The following AMPD3 variants were observed in gnomAD, a reference collection of about 807,000 sequenced individuals.
AMPD3 encodes the protein adenosine monophosphate deaminase 3.
Under a neutral mutation model 82.3 loss-of-function variants are expected in AMPD3, and 57 were observed. That is an observed-to-expected ratio of 0.69 (90% confidence interval 0.56 to 0.86). The LOEUF (loss-of-function observed/expected upper bound fraction) is 0.86. AMPD3 is among the 40% of genes least tolerant of loss of function. The pLI is 0.00. For missense variants in AMPD3, 870 were observed against 1,003.8 expected (o/e 0.87, Z 1.80); for synonymous variants, 381 against 394.7 (o/e 0.97, Z 0.41).
In AMPD3 at chr11:10,465,819, G is replaced by GTT. The variant is rs61540424; in HGVS notation, c.221+4099_221+4100dup. ...GGCAGACACTGAACTAGCTGCAGGA[G>GTT]TTTTTTTTTTTTTTTTTTTTTCTGT... On this transcript the variant is annotated intron_variant, in intron 2 of 14. Transcript: ENST00000396553. Among the ~76,000 whole-genome samples the GTT allele has an allele frequency of 2.6e-3, 343 of 132,110 alleles. 4 individuals carry two copies. Among genetic ancestry groups the GTT allele is most frequent in the African/African-American group, 5.1e-3 (181 of 35,524 alleles). The allele number at this position is 132,110 out of a possible 152,430, so 86.7% of individuals were successfully genotyped here.
chr11:10,491,152 C>T (rs577846010), intron 6 of AMPD3, among the ~76,000 whole-genome samples: 17 of 152,340 alleles, frequency 1.1e-4, no homozygotes, highest in Admixed American at 3.3e-4. Context: ...CAGTCGGCCG[C>T]AGCAGTAGCT....
chr11:10,500,078 C>T lies in AMPD3; in HGVS notation c.1558-8C>T, dbSNP rs1276739087. The stretch of plus-strand genomic sequence containing the variant: ...CTTGGCCTGGTGCTCAGGACCTCTC[C>T]TGCCCAGGTGACGGGGTTTGACAGC... On this transcript the variant is annotated splice_polypyrimidine_tract_variant and splice_region_variant and intron_variant, in intron 10 of 14. Coordinates refer to ENST00000396553, the MANE Select transcript of AMPD3 (RefSeq NM_001025389.2). 3 of 1,614,080 alleles carry T rather than the reference C, an allele frequency of 1.9e-6. No individual in the cohort carries two copies. In the East Asian group the frequency reaches 6.7e-5, roughly 36 times the overall value.
At chr11:10,474,384 T>C (rs879802806) in intron 2 of AMPD3, among the ~76,000 whole-genome samples, 6 of 152,174 alleles carry the variant, frequency 3.9e-5, no homozygotes, top group Non-Finnish European at 8.8e-5. Context: ...TGGCCCCTGG[T>C]AAGATGCTGG....
At chr11:10,479,792 A>G (rs1848849256) in intron 3 of AMPD3, 1 of 566,786 alleles carries the variant, frequency 1.8e-6, no homozygotes. Flanking sequence ...ATCAATATAT[A>G]AAGAACTTCT....
intron 6 of AMPD3, chr11:10,488,542 G>C (rs1849147565): frequency 1.9e-6 from 1 of 525,210 alleles, no homozygotes. Flanking sequence ...TCAGGCATTG[G>C]GAGCGGGGAG....
In AMPD3 at chr11:10,500,572, A is replaced by G. The variant is rs1485857251; in HGVS notation, c.1721+323A>G. ...ATGTACACACACCAGGGCACACTCC[A>G]CGTGTACCTGTACATCCCTGAGATA... On this transcript the variant is annotated intron_variant, in intron 11 of 14. Coordinates refer to ENST00000396553, the MANE Select transcript of AMPD3 (RefSeq NM_001025389.2). 4 of 980,036 alleles carry G rather than the reference A, an allele frequency of 4.1e-6. No homozygotes were observed. In the East Asian group the frequency reaches 4.6e-4, roughly 111 times the overall value. 60.7% of individuals were successfully genotyped at this position (980,036 alleles called of 1,614,324 possible). A position where few individuals can be genotyped will look rare whatever the true frequency, so the allele number is the denominator to read the frequency against.
chr11:10,497,220 G>A (rs761909851), intron 10 of AMPD3, among the ~76,000 whole-genome samples: 22 of 152,260 alleles, frequency 1.4e-4, no homozygotes, highest in Admixed American at 2.6e-4. Flanking sequence ...CAAAGACTGG[G>A]AACTCGGTTC....
intron 5 of AMPD3, among the ~76,000 whole-genome samples, chr11:10,486,015 A>G (rs1447827538): frequency 6.6e-6 from 1 of 151,448 alleles, no homozygotes; most frequent in Non-Finnish European, 1.5e-5. Context: ...CGAAAGTAGC[A>G]TAGTGAGCCC....
chr11:10,467,981 AC>A (rs1372762366), intron 2 of AMPD3, among the ~76,000 whole-genome samples: 4 of 152,224 alleles, frequency 2.6e-5, no homozygotes, highest in African/African-American at 9.6e-5. Flanking sequence ...AGATTTTGTC[AC>A]CACCAGGCCT....
In AMPD3 at chr11:10,482,119, C is replaced by T. The variant is rs1198179577; in HGVS notation, c.483C>T (p.Ile161=). Reference sequence around the variant, plus strand: ...AGAGTCTGGCCAAGGCCCTAATGATCCGGGAGAAGTATGCGCGGCTCGCCT... The same window carrying T: ...AGAGTCTGGCCAAGGCCCTAATGATTCGGGAGAAGTATGCGCGGCTCGCCT... ...AAKSLAKALM[I]REKYARLAYH... The change falls in exon 4 of 15, where the codon ATC becomes ATT. Residue 161 remains isoleucine (I), a synonymous_variant. Transcript: ENST00000396553. The T allele has an allele frequency of 1.9e-6, 3 of 1,614,210 alleles. No homozygotes were observed. The highest frequency in any genetic ancestry group is 2.5e-6 in the Non-Finnish European group (3 of 1,180,052).
Position 10,501,462 on chromosome 11 carries a change from T to G in AMPD3, c.1722-8T>G, listed in dbSNP as rs1482049121. The G allele has an allele frequency of 6.2e-7, 1 of 1,613,432 alleles. No homozygotes were observed. Among genetic ancestry groups the G allele is most frequent in the Non-Finnish European group, 8.5e-7 (1 of 1,179,478 alleles). On this transcript the variant is annotated splice_region_variant and splice_polypyrimidine_tract_variant and intron_variant, in intron 11 of 14. Coordinates refer to ENST00000396553, the MANE Select transcript of AMPD3 (RefSeq NM_001025389.2). Reference sequence around the variant, plus strand: ...GCCTTCCTGATTCGGAAACCCCTTCTCTTACAGGGAGCGCGGCCTGAGCAC... The same window carrying G: ...GCCTTCCTGATTCGGAAACCCCTTCGCTTACAGGGAGCGCGGCCTGAGCAC...
In AMPD3 at chr11:10,478,633, C is replaced by A. The variant is rs1432556518; in HGVS notation, c.329C>A (p.Thr110Asn). 1.2e-6 allele frequency: 2 copies of A among 1,614,254 alleles called. No homozygotes were observed. Among genetic ancestry groups the A allele is most frequent in the South Asian group, 2.2e-5 (2 of 91,090 alleles). ...GCCAGTCCGGCCATGTCTCCCACAACCCCTGTGGTCACTGGAGCCACTTCC... is the reference window on the plus strand; with the variant it reads ...GCCAGTCCGGCCATGTCTCCCACAAACCCTGTGGTCACTGGAGCCACTTCC... ...PAASPAMSPTTPVVTGATSLP... is the reference protein window; with the variant it reads ...PAASPAMSPTNPVVTGATSLP... Residue 110 changes from threonine (T) to asparagine (N), a missense_variant, in exon 3 of 15, where the codon ACC becomes AAC. By Grantham distance (65) the Thr-to-Asn change is moderately conservative. Coordinates refer to ENST00000396553, the MANE Select transcript of AMPD3 (RefSeq NM_001025389.2).
At chr11:10,469,706 C>T (rs1255010119) in intron 2 of AMPD3, among the ~76,000 whole-genome samples, 1 of 152,188 alleles carries the variant, frequency 6.6e-6, no homozygotes. Flanking sequence ...AGAGACACAA[C>T]AGAGAAAATT....
chr11:10,472,115 T>TA (rs1304088026), intron 2 of AMPD3, among the ~76,000 whole-genome samples: 3 of 152,100 alleles, frequency 2.0e-5, no homozygotes. Flanking sequence ...TATGCAGCCA[T>TA]AAAAAAGATG....
At chr11:10,465,230 G>A (rs1848384822) in intron 2 of AMPD3, among the ~76,000 whole-genome samples, 3 of 152,194 alleles carry the variant, frequency 2.0e-5, no homozygotes, top group Non-Finnish European at 4.4e-5. Flanking sequence ...GCAGGCACAA[G>A]AATTTGAAGC....
chr11:10,499,707 C>T (rs1286990167), intron 10 of AMPD3: 1 of 985,340 alleles, frequency 1.0e-6, no homozygotes, highest in Non-Finnish European at 1.2e-6. Flanking sequence ...CTTGTCGCTG[C>T]TGCTGATGGC....
intron 8 of AMPD3, 181 bp from the exon 9 acceptor site, chr11:10,495,389 G>C (rs1216997969): frequency 1.0e-6 from 1 of 984,760 alleles, no homozygotes; most frequent in Non-Finnish European, 1.2e-6. Context: ...CACCAGAGGG[G>C]GCCTCTCCTA....
chr11:10,463,995 T>A (rs1333499385), intron 2 of AMPD3, among the ~76,000 whole-genome samples: 1 of 152,180 alleles, frequency 6.6e-6, no homozygotes, highest in Middle Eastern at 3.2e-3. Context: ...GTTCTGCCAC[T>A]CACTGTCATG....
At chr11:10,496,780 CA>C in intron 9 of AMPD3, 31 bp from the exon 10 acceptor site, 1 of 1,614,050 alleles carries the variant, frequency 6.2e-7, no homozygotes, top group Non-Finnish European at 8.5e-7. Context: ...CTGTTGGATC[CA>C]CCTGACAAGC....
Sources: gnomAD v4.1 joint callset for allele counts (sites outside exome capture counted in the v4.1 genomes callset) on GRCh38, gnomAD v4.1.1 for gene constraint, MANE v1.5 for transcripts, NCBI Gene and HGNC (gene_info 2026-07-23, HGNC 2026-07-21) for gene names.